The following FOXN2 variants were observed in gnomAD, a reference collection of about 807,000 sequenced individuals.
FOXN2 encodes the protein forkhead box N2, also known as forkhead box protein N2.
Under a neutral mutation model 41.2 loss-of-function variants are expected in FOXN2, and 19 were observed. The ratio of observed to expected loss-of-function variants is 0.46; its 90% CI spans 0.32 to 0.68. The LOEUF is 0.68. Among genes scored for constraint, FOXN2 ranks in the 30% least tolerant of loss-of-function variants. FOXN2 has a pLI of 0.03. For missense variants in FOXN2, 587 were observed against 509.4 expected (o/e 1.15, Z -1.47); for synonymous variants, 195 against 176.8 (o/e 1.10, Z -0.82).
At chr2:48,356,621 T>C (rs902562196) in intron 3 of FOXN2, among the ~76,000 whole-genome samples, 7 of 152,206 alleles carry the variant, frequency 4.6e-5, no homozygotes, top group Admixed American at 4.6e-4. Context: ...CCACTGAAAA[T>C]CATTACCACT....
In FOXN2 at chr2:48,346,391, G is replaced by A. The variant is rs760638229; in HGVS notation, c.177G>A (p.Leu59=). The A allele has an allele frequency of 1.2e-5, 20 of 1,614,076 alleles. No homozygotes were observed. Among genetic ancestry groups the A allele is most frequent in the Non-Finnish European group, 1.5e-5 (18 of 1,180,040 alleles). Residue 59 remains leucine, a synonymous_variant, in exon 3 of 7, where the codon TTG becomes TTA. Transcript: ENST00000340553. ...CAGCAGATGATGAACTCACAAACTT[G>A]AACTGGCTTCATGAAAGCACTAATC... ...SESADDELTN[L]NWLHESTNLL...
chr2:48,343,596 T>TA (rs1158270026), intron 2 of FOXN2, among the ~76,000 whole-genome samples: 3 of 151,882 alleles, frequency 2.0e-5, no homozygotes, highest in South Asian at 2.1e-4. Context: ...TCTGTTTCTA[T>TA]AAAAAAAATT....
At chr2:48,336,372 C>T (rs552805318) in intron 2 of FOXN2, among the ~76,000 whole-genome samples, 2 of 150,522 alleles carry the variant, frequency 1.3e-5, no homozygotes, top group South Asian at 2.1e-4. Flanking sequence ...TGTGCCACTG[C>T]ACTCCAGCCT....
At chr2:48,335,614 A>G (rs563428768) in intron 2 of FOXN2, among the ~76,000 whole-genome samples, 8 of 152,262 alleles carry the variant, frequency 5.3e-5, no homozygotes, top group Non-Finnish European at 1.2e-4. Context: ...TTTAAGCAGA[A>G]GTAAATGATC....
In FOXN2 at chr2:48,337,449, C is replaced by T. The variant is rs558098261; in HGVS notation, c.-15+8747C>T. Among the ~76,000 whole-genome samples the T allele has an allele frequency of 6.6e-5, 10 of 152,128 alleles. No homozygotes were observed. In the East Asian group the frequency reaches 1.9e-3, roughly 29 times the overall value. ...AAGTAGCTGGGACCACAGGTGCACA[C>T]CACCATGCCCCACTAATTTTTGTGG... On this transcript the variant is annotated intron_variant, in intron 2 of 6. Coordinates refer to ENST00000340553, the MANE Select transcript of FOXN2 (RefSeq NM_002158.4).
At chr2:48,328,169 GC>G (rs757206097) in intron 1 of FOXN2, among the ~76,000 whole-genome samples, 3 of 152,172 alleles carry the variant, frequency 2.0e-5, no homozygotes, top group Non-Finnish European at 4.4e-5. Context: ...ATATTCAAAT[GC>G]CAACCAGATT....
At chr2:48,327,495 C>A (rs1239949801) in intron 1 of FOXN2, among the ~76,000 whole-genome samples, 1 of 151,810 alleles carries the variant, frequency 6.6e-6, no homozygotes, top group Non-Finnish European at 1.5e-5. Context: ...GCCCAGGCTG[C>A]AGTGCAATGG....
chr2:48,368,806 C>A (rs1165516025), intron 5 of FOXN2, among the ~76,000 whole-genome samples: 1 of 152,174 alleles, frequency 6.6e-6, no homozygotes, highest in African/African-American at 2.4e-5. Context: ...GTACCTTGGA[C>A]AAATCATTGA....
intron 5 of FOXN2, among the ~76,000 whole-genome samples, chr2:48,370,389 A>G (rs1672810951): frequency 6.6e-6 from 1 of 152,158 alleles, no homozygotes; most frequent in South Asian, 2.1e-4. Context: ...CATTGATTCA[A>G]ATCCTTTGTA....
intron 3 of FOXN2, among the ~76,000 whole-genome samples, chr2:48,352,818 G>A (rs543932886): frequency 7.2e-5 from 11 of 152,238 alleles, no homozygotes; most frequent in African/African-American, 2.2e-4. Flanking sequence ...AGTGAGATAC[G>A]TGGTATTAAT....
At chr2:48,325,358 GCATT>G (rs945076951) in intron 1 of FOXN2, among the ~76,000 whole-genome samples, 5 of 152,046 alleles carry the variant, frequency 3.3e-5, no homozygotes, top group African/African-American at 1.2e-4. Context: ...TTACCAATAA[GCATT>G]CAATGAGTTT....
At chr2:48,320,185 T>C (rs578036784) in intron 1 of FOXN2, among the ~76,000 whole-genome samples, 2 of 152,288 alleles carry the variant, frequency 1.3e-5, no homozygotes, top group South Asian at 4.1e-4. Flanking sequence ...ATACTACCTC[T>C]TTCTATGCTG....
intron 2 of FOXN2, among the ~76,000 whole-genome samples, chr2:48,335,802 C>T (rs970449091): frequency 6.6e-6 from 1 of 151,012 alleles, no homozygotes; most frequent in African/African-American, 2.4e-5. Flanking sequence ...CTGAGGCAGG[C>T]GGATCATGAG....
intron 1 of FOXN2, among the ~76,000 whole-genome samples, chr2:48,325,710 A>G (rs1260360886): frequency 6.6e-6 from 1 of 152,180 alleles, no homozygotes; most frequent in Non-Finnish European, 1.5e-5. Flanking sequence ...TGAAGCTTTC[A>G]GTTAGTCAGG....
chr2:48,319,153 CT>C (rs201975434), intron 1 of FOXN2, among the ~76,000 whole-genome samples: 66 of 143,646 alleles, frequency 4.6e-4, no homozygotes, highest in Middle Eastern at 3.5e-3. Context: ...ACTCAAAAGC[CT>C]TTTTTTTTTT....
rs185167790 is a variant in FOXN2 at position 48,369,271 on chromosome 2, C to T, written c.704-4021C>T. On this transcript the variant is annotated intron_variant, in intron 5 of 6. Coordinates refer to ENST00000340553, the MANE Select transcript of FOXN2 (RefSeq NM_002158.4). ...AAGTGAAGTTAGGCCAGGCGGGGGT[C>T]TCACGCCTGTAATCCCAGCACTTTG... Among the ~76,000 whole-genome samples, 12 of 152,304 alleles carry T rather than the reference C, an allele frequency of 7.9e-5. No individual in the cohort carries two copies. The East Asian group carries it at 2.3e-3, about 29-fold the overall frequency.
intron 2 of FOXN2, among the ~76,000 whole-genome samples, chr2:48,331,866 C>CT (rs1452883739): frequency 6.6e-6 from 1 of 150,402 alleles, no homozygotes; most frequent in Non-Finnish European, 1.5e-5. Context: ...AATTTCTGAA[C>CT]TTAGCTGGAT....
At chr2:48,324,194 A>ATTTTTTTTTTTTTTTTTTTTTTTTTTTTT (rs11407371) in intron 1 of FOXN2, among the ~76,000 whole-genome samples, 1 of 132,360 alleles carries the variant, frequency 7.6e-6, no homozygotes, top group African/African-American at 2.9e-5. Context: ...TTGCTCAGTA[A>ATTTTTTTTTTTTTTTTTTTTTTTTTTTTT]TTTTTTTTTT....
At chr2:48,316,117 C>T (rs1267707613) in intron 1 of FOXN2, among the ~76,000 whole-genome samples, 1 of 152,014 alleles carries the variant, frequency 6.6e-6, no homozygotes, top group South Asian at 2.1e-4. Flanking sequence ...GCTGTCGCCT[C>T]GCATGTACAT....
Sources: allele counts gnomAD v4.1 joint callset (sites outside exome capture counted in the v4.1 genomes callset), GRCh38; gene constraint gnomAD v4.1.1; transcripts MANE v1.5; gene names NCBI Gene and HGNC (gene_info 2026-07-23, HGNC 2026-07-21).